The following TMEM196 variants were observed in gnomAD, a reference collection of about 807,000 sequenced individuals.
The protein encoded by TMEM196 is transmembrane protein 196.
Under a neutral mutation model 20.0 loss-of-function variants are expected in TMEM196, and 17 were observed. That is an observed-to-expected ratio of 0.85 (90% confidence interval 0.58 to 1.27). The LOEUF (loss-of-function observed/expected upper bound fraction) is 1.27. Among genes scored for constraint, TMEM196 ranks in the 50% most tolerant of loss-of-function variants. The pLI is 0.00. For missense variants in TMEM196, 267 were observed against 223.0 expected (o/e 1.20, Z -1.26); for synonymous variants, 113 against 88.9 (o/e 1.27, Z -1.52).
chr7:19,765,870 C>T (rs1263940820), intron 1 of TMEM196, among the ~76,000 whole-genome samples: 1 of 151,876 alleles, frequency 6.6e-6, no homozygotes, highest in African/African-American at 2.4e-5. Flanking sequence ...TCAGGAACAA[C>T]GAAAACAAAA....
chr7:19,772,639 C>A lies in TMEM196; in HGVS notation c.58G>T (p.Gly20Trp). 3 of 1,546,930 alleles carry A rather than the reference C, an allele frequency of 1.9e-6. No homozygotes were observed. Among genetic ancestry groups the A allele is most frequent in the Non-Finnish European group, 2.6e-6 (3 of 1,145,546 alleles). ...ACGGCCACGCTGGACACCCCCAGCC[C>A]TATCTCCAGCACGGAGAGCACCAAG... Reference protein sequence around the residue: ...SLLVLSVLEIGLGVSSVAVGA... With the variant: ...SLLVLSVLEIWLGVSSVAVGA... The change falls in exon 1 of 5, where the codon GGG (glycine) becomes TGG (tryptophan). Residue 20 changes from glycine (G) to tryptophan (W), a missense_variant. Transcript: ENST00000405844.
At chr7:19,752,465 A>G (rs1785025332) in intron 1 of TMEM196, among the ~76,000 whole-genome samples, 1 of 152,058 alleles carries the variant, frequency 6.6e-6, no homozygotes, top group South Asian at 2.1e-4. Context: ...CCTTAACAGG[A>G]TTATTTAAGG....
chr7:19,760,387 G>T (rs1785391557), intron 1 of TMEM196, among the ~76,000 whole-genome samples: 3 of 101,478 alleles, frequency 3.0e-5, no homozygotes, highest in Non-Finnish European at 5.3e-5. Context: ...TTGAGACGAA[G>T]TCTCACTCTA....
intron 1 of TMEM196, among the ~76,000 whole-genome samples, chr7:19,755,933 G>T (rs1478614373): frequency 6.6e-6 from 1 of 151,946 alleles, no homozygotes; most frequent in Non-Finnish European, 1.5e-5. Context: ...GGAGGCTGAG[G>T]CACAAGAATC....
In TMEM196 at chr7:19,721,871, G is replaced by T. The variant is rs560656728; in HGVS notation, c.*257C>A. The T allele has an allele frequency of 1.1e-4, 55 of 507,186 alleles. No individual in the cohort carries two copies. Among genetic ancestry groups the T allele is most frequent in the African/African-American group, 3.9e-4 (19 of 49,148 alleles). 31.4% of individuals were successfully genotyped at this position (507,186 alleles called of 1,614,324 possible). ...ATCTGGAAAGCCTCTTGAAATTATT[G>T]TACTAGAATGTTTCTGGAAAGTTTT... On this transcript the variant is annotated 3_prime_UTR_variant, in exon 5 of 5. Coordinates refer to ENST00000405844, the MANE Select transcript of TMEM196 (RefSeq NM_001363562.2).
chr7:19,750,042 A>C (rs1174122844), intron 1 of TMEM196, among the ~76,000 whole-genome samples: 1 of 152,188 alleles, frequency 6.6e-6, no homozygotes, highest in Non-Finnish European at 1.5e-5. Context: ...TATACCCAGC[A>C]TGTCTACCCA....
intron 4 of TMEM196, 61 bp downstream of exon 4, chr7:19,724,219 G>C: frequency 7.1e-7 from 1 of 1,418,028 alleles, no homozygotes; most frequent in South Asian, 1.2e-5. Flanking sequence ...TGGCTTTCTG[G>C]AAGGGGAAGT....
intron 1 of TMEM196, among the ~76,000 whole-genome samples, chr7:19,732,155 C>T (rs1180609932): frequency 1.3e-5 from 2 of 152,148 alleles, no homozygotes; most frequent in East Asian, 1.9e-4. Context: ...ATTAATCCCT[C>T]GAAGTTTACA....
In TMEM196 at chr7:19,747,300, A is replaced by G. The variant is rs1002766832; in HGVS notation, c.148-17862T>C. On this transcript the variant is annotated intron_variant, in intron 1 of 4. Coordinates refer to ENST00000405844, the MANE Select transcript of TMEM196 (RefSeq NM_001363562.2). Reference sequence around the variant, plus strand: ...TAAAATAAAAATAAAAAATAAAAATAAAAAAAAGAAAATCCCTATTATGTT... The same window carrying G: ...TAAAATAAAAATAAAAAATAAAAATGAAAAAAAGAAAATCCCTATTATGTT... Among the ~76,000 whole-genome samples, 4 of 151,126 alleles carry G rather than the reference A, an allele frequency of 2.6e-5. No homozygotes were observed. The East Asian group carries it at 7.7e-4, about 29-fold the overall frequency.
Position 19,770,965 on chromosome 7 carries a change from G to T in TMEM196, c.147+1585C>A, listed in dbSNP as rs140921431. Among the ~76,000 whole-genome samples the T allele has an allele frequency of 9.7e-3, 1,474 of 152,086 alleles. 15 individuals carry two copies. Among genetic ancestry groups the T allele is most frequent in the Admixed American group, 0.016 (250 of 15,284 alleles). ...TTGAATTTCGTTGGGGGCGGGGATT[G>T]AGCTGTAGAGTATTTAAGGCTTCTC... is the stretch of plus-strand genomic sequence containing the variant. On this transcript the variant is annotated intron_variant, in intron 1 of 4. Transcript: ENST00000405844.
intron 1 of TMEM196, among the ~76,000 whole-genome samples, chr7:19,770,281 T>C (rs1180647862): frequency 6.6e-6 from 1 of 152,190 alleles, no homozygotes; most frequent in Non-Finnish European, 1.5e-5. Context: ...ATGGAGTAGT[T>C]TTTTTAAGAC....
At chr7:19,760,274 G>T (rs1365933543) in intron 1 of TMEM196, among the ~76,000 whole-genome samples, 1 of 149,140 alleles carries the variant, frequency 6.7e-6, no homozygotes, top group Non-Finnish European at 1.5e-5. Flanking sequence ...AGAAAATATT[G>T]CTTCCTCAGA....
At chr7:19,756,569 G>A (rs1280702533) in intron 1 of TMEM196, among the ~76,000 whole-genome samples, 1 of 151,992 alleles carries the variant, frequency 6.6e-6, no homozygotes, top group South Asian at 2.1e-4. Flanking sequence ...CCGTCTATGA[G>A]TCCATATGTT....
At chr7:19,733,072 T>C (rs963153142) in intron 1 of TMEM196, among the ~76,000 whole-genome samples, 2 of 152,232 alleles carry the variant, frequency 1.3e-5, no homozygotes, top group African/African-American at 4.8e-5. Context: ...TGTGAAATGA[T>C]ATAAATGTAG....
intron 1 of TMEM196, among the ~76,000 whole-genome samples, chr7:19,750,879 C>T (rs1053172099): frequency 3.9e-5 from 6 of 152,232 alleles, no homozygotes; most frequent in South Asian, 2.1e-4. Context: ...AATTCCCCAA[C>T]GCTATTTCCT....
At chr7:19,745,307 G>T (rs80247012) in intron 1 of TMEM196, among the ~76,000 whole-genome samples, 3,712 of 152,182 alleles carry the variant, frequency 0.024, 70 homozygotes, top group Middle Eastern at 0.065. Flanking sequence ...TGCGCATAGG[G>T]AGGGCCAACT....
chr7:19,770,723 T>C (rs1785837508), intron 1 of TMEM196, among the ~76,000 whole-genome samples: 1 of 152,226 alleles, frequency 6.6e-6, no homozygotes, highest in Non-Finnish European at 1.5e-5. Context: ...TATGTAGATA[T>C]GTCTGACTTA....
chr7:19,763,011 C>T (rs568406790), intron 1 of TMEM196, among the ~76,000 whole-genome samples: 67 of 152,298 alleles, frequency 4.4e-4, no homozygotes, highest in African/African-American at 1.5e-3. Flanking sequence ...AATTGTATAT[C>T]GATGACAATT....
intron 1 of TMEM196, among the ~76,000 whole-genome samples, chr7:19,772,223 G>T (rs984256639): frequency 1.2e-5 from 1 of 84,380 alleles, no homozygotes. Context: ...CCCTCCCCCC[G>T]CCTCCCAAAC....
Sources: gnomAD v4.1 joint callset for allele counts (sites outside exome capture counted in the v4.1 genomes callset) on GRCh38, gnomAD v4.1.1 for gene constraint, MANE v1.5 for transcripts, NCBI Gene and HGNC (gene_info 2026-07-23, HGNC 2026-07-21) for gene names.